Variants in HMGB1 observed in about 807,000 individuals in gnomAD.
HMGB1 encodes the protein high mobility group box 1.
For synonymous variants in HMGB1, 81 were observed against 84.0 expected, an observed-to-expected ratio of 0.96 and a Z score of 0.19; for missense variants, 79 against 253.5, an observed-to-expected ratio of 0.31 and a Z score of 4.67.
intron 1 of HMGB1, among the ~76,000 whole-genome samples, chr13:30,488,675 ATTATTATTATTATTAT>A (rs1887419208): frequency 6.8e-6 from 1 of 145,996 alleles, no homozygotes; most frequent in South Asian, 2.1e-4. Context: ...TATTATTATT[ATTATTATTATTATTAT>A]TATTACTTTT....
At chr13:30,472,320 G>A (rs768990398) in intron 1 of HMGB1, among the ~76,000 whole-genome samples, 2 of 151,996 alleles carry the variant, frequency 1.3e-5, no homozygotes, top group South Asian at 4.2e-4. Flanking sequence ...GACATGCAAG[G>A]CCAGGCACAG....
In HMGB1 at chr13:30,461,393, T is replaced by C. The variant is rs774439977; in HGVS notation, c.612A>G (p.Glu204=). The change falls in exon 5 of 5, where the codon GAA becomes GAG. Residue 204 remains glutamate, a synonymous_variant. Transcript: ENST00000341423. ...EEDEEEEEDE[E]DEDEEEDDDD... ...CATCATCTTCTTCTTCATCTTCATC[T>C]TCTTCATCTTCCTCCTCCTCCTCAT... The C allele has an allele frequency of 1.9e-6, 3 of 1,570,404 alleles. No individual in the cohort carries two copies. The highest frequency in any genetic ancestry group is 2.6e-6 in the Non-Finnish European group (3 of 1,164,946).
intron 4 of HMGB1, chr13:30,461,780 T>C (rs945402861): frequency 4.7e-6 from 4 of 846,086 alleles, no homozygotes; most frequent in South Asian, 1.6e-5. Flanking sequence ...TTATGCCTCA[T>C]TGAGGTGCAA....
Position 30,457,903 on chromosome 13 carries a change from A to C in HMGB1, c.*3454T>G, listed in dbSNP as rs974114746. 3 of 152,108 alleles carry C rather than the reference A, an allele frequency of 2.0e-5. No individual in the cohort carries two copies. The highest frequency in any genetic ancestry group is 4.4e-5 in the Non-Finnish European group (3 of 68,020). 9.4% of individuals were successfully genotyped at this position (152,108 alleles called of 1,614,324 possible). A position where few individuals can be genotyped will look rare whatever the true frequency, so the allele number is the denominator to read the frequency against. ...AAAATGAACCACCATCTTTTGCTGG[A>C]TAGACAATCAAATCACTTTCTGGCT... On this transcript the variant is annotated 3_prime_UTR_variant, in exon 5 of 5. Transcript: ENST00000341423.
intron 1 of HMGB1, among the ~76,000 whole-genome samples, chr13:30,523,374 C>G (rs1566014392): frequency 1.3e-5 from 2 of 152,216 alleles, no homozygotes; most frequent in Admixed American, 1.3e-4. Context: ...CATTGCTCAA[C>G]CCTGGCTGAG....
At chr13:30,588,340 G>C (rs1871238688) in intron 1 of HMGB1, among the ~76,000 whole-genome samples, 1 of 152,166 alleles carries the variant, frequency 6.6e-6, no homozygotes, top group Non-Finnish European at 1.5e-5. Flanking sequence ...AAAACTTCAT[G>C]AAGATGAGAT....
At chr13:30,538,540 T>TCTTTCTTTCTTTC (rs1868612227) in intron 1 of HMGB1, among the ~76,000 whole-genome samples, 18 of 107,480 alleles carry the variant, frequency 1.7e-4, no homozygotes, top group African/African-American at 6.4e-4. Flanking sequence ...TTCTTTCCTT[T>TCTTTCTTTCTTTC]CTTTCTTTCT....
chr13:30,563,296 T>C (rs1870041599), intron 1 of HMGB1, among the ~76,000 whole-genome samples: 1 of 152,200 alleles, frequency 6.6e-6, no homozygotes, highest in East Asian at 1.9e-4. Context: ...GTGATAACAT[T>C]GCTTGGCTAT....
chr13:30,464,295 G>T (rs1014023584), intron 1 of HMGB1: 2 of 985,492 alleles, frequency 2.0e-6, no homozygotes, highest in Non-Finnish European at 2.4e-6. Context: ...GTTTCCTATC[G>T]GTTTGGCCCT....
chr13:30,533,967 C>T (rs1175767126), intron 1 of HMGB1, among the ~76,000 whole-genome samples: 1 of 150,540 alleles, frequency 6.6e-6, no homozygotes, highest in Non-Finnish European at 1.5e-5. Flanking sequence ...CAGGTTCAAG[C>T]AATTCTCCTG....
intron 1 of HMGB1, chr13:30,542,331 C>T (rs542474128): frequency 6.0e-6 from 1 of 166,532 alleles, no homozygotes; most frequent in Non-Finnish European, 1.3e-5. Flanking sequence ...TGTGGACTCT[C>T]CATACTCAGA....
At chr13:30,499,200 G>A (rs553872885) in intron 1 of HMGB1, among the ~76,000 whole-genome samples, 15 of 152,158 alleles carry the variant, frequency 9.9e-5, no homozygotes, top group African/African-American at 2.6e-4. Context: ...TGATCCACCC[G>A]CCTCAGCCTC....
chr13:30,601,745 C>CAA (rs914063726), intron 1 of HMGB1, among the ~76,000 whole-genome samples: 288 of 3,542 alleles, frequency 0.081, 123 homozygotes, highest in African/African-American at 0.11. Flanking sequence ...GACTCCGTCT[C>CAA]AAAAAAAAAA....
At chr13:30,529,526 C>T (rs535529846) in intron 1 of HMGB1, among the ~76,000 whole-genome samples, 1 of 152,244 alleles carries the variant, frequency 6.6e-6, no homozygotes, top group Admixed American at 6.5e-5. Context: ...CCATTTCAAA[C>T]TATGATTTTG....
In HMGB1 at chr13:30,514,840, GTGTATTACACTT is replaced by G. The variant is rs567082598; in HGVS notation, c.-14-51158_-14-51147del. On this transcript the variant is annotated intron_variant, in intron 1 of 4. Coordinates refer to the HMGB1 transcript ENST00000405805. ...CTGTTCAACTTGGGAGTACTGGGATGTGTATTACACTTTGTGGTAGGCGGAACTCTAAGATGA... is the reference window on the plus strand; with the variant it reads ...CTGTTCAACTTGGGAGTACTGGGATGTGTGGTAGGCGGAACTCTAAGATGA... Among the ~76,000 whole-genome samples the G allele has an allele frequency of 2.4e-4, 36 of 152,244 alleles. 1 individual carries two copies. Among genetic ancestry groups the G allele is most frequent in the Admixed American group, 2.0e-3 (31 of 15,284 alleles).
intron 3 of HMGB1, 95 bp from the exon 4 acceptor site, chr13:30,462,807 G>C: frequency 1.1e-6 from 1 of 949,706 alleles, no homozygotes; most frequent in Non-Finnish European, 1.6e-6. Flanking sequence ...AGCTGCCTGT[G>C]AATTTCTGTG....
upstream of HMGB1, chr13:30,466,002 A>T: frequency 1.0e-6 from 1 of 972,674 alleles, no homozygotes; most frequent in Non-Finnish European, 1.2e-6. Flanking sequence ...TTGGCCCGAT[A>T]CCTCCCATTG....
At chr13:30,479,068 A>G (rs374346636) in intron 1 of HMGB1, among the ~76,000 whole-genome samples, 11 of 152,116 alleles carry the variant, frequency 7.2e-5, no homozygotes, top group East Asian at 5.8e-4. Context: ...AGATAATTTT[A>G]CAAATTCAGC....
At chr13:30,568,860 G>A (rs1463320984) in intron 1 of HMGB1, among the ~76,000 whole-genome samples, 1 of 152,058 alleles carries the variant, frequency 6.6e-6, no homozygotes, top group African/African-American at 2.4e-5. Flanking sequence ...GGCAGTATTA[G>A]GACTCTAATA....
Sources: gnomAD v4.1 joint callset for allele counts (sites outside exome capture counted in the v4.1 genomes callset) on GRCh38, gnomAD v4.1.1 for gene constraint, MANE v1.5 for transcripts, NCBI Gene and HGNC (gene_info 2026-07-23, HGNC 2026-07-21) for gene names.